Variants in CNN2 observed in about 807,000 individuals in gnomAD.
CNN2 encodes the protein calponin 2.
In CNN2, 21 loss-of-function variants were observed where a neutral mutation model predicts 31.0. The observed-to-expected ratio is 0.68, with a 90% CI of 0.48 to 0.98. The LOEUF is 0.98. Ranked by LOEUF, CNN2 falls within the 50% of genes least tolerant of loss-of-function variation. The pLI, the probability that CNN2 is intolerant of heterozygous loss-of-function variation, is 0.00. For missense variants in CNN2, 399 were observed against 427.3 expected, an observed-to-expected ratio of 0.93 and a Z score of 0.58; for synonymous variants, 165 against 179.6, an observed-to-expected ratio of 0.92 and a Z score of 0.65.
chr19:1,028,073 C>A (rs1441270620), intron 1 of CNN2, among the ~76,000 whole-genome samples: 1 of 152,050 alleles, frequency 6.6e-6, no homozygotes, highest in Non-Finnish European at 1.5e-5. Context: ...GGGTGGGCAC[C>A]CTGCCGCACC....
rs532556422 is a variant in CNN2 at position 1,028,176 on chromosome 19, C to T, written c.63+1452C>T. On this transcript the variant is annotated intron_variant, in intron 1 of 6. Transcript: ENST00000263097. The stretch of plus-strand genomic sequence containing the variant: ...GCCACACAGCCCACAAGTGACAGGG[C>T]CAAGACCGGAACCCAGTACCTGCTG... Among the ~76,000 whole-genome samples the T allele has an allele frequency of 3.2e-4, 48 of 151,898 alleles. 1 individual carries two copies. The highest frequency in any genetic ancestry group is 2.7e-3 in the South Asian group (13 of 4,810).
At chr19:1,026,909 G>A in intron 1 of CNN2, 185 bp downstream of exon 1, 1 of 561,322 alleles carries the variant, frequency 1.8e-6, no homozygotes, top group East Asian at 3.4e-5. Flanking sequence ...AGGCTCCCGC[G>A]AATCTTGGGG....
chr19:1,036,209 C>A lies in CNN2; in HGVS notation c.470C>A (p.Ala157Asp). The A allele has an allele frequency of 1.9e-6, 3 of 1,606,986 alleles. No individual in the cohort carries two copies. The highest frequency in any genetic ancestry group is 1.1e-5 in the South Asian group (1 of 89,888). The change falls in exon 5 of 7, where the codon GCC becomes GAC. Residue 157 changes from alanine to aspartate, a missense_variant. By Grantham distance (126) the Ala-to-Asp change is moderately radical. Coordinates refer to ENST00000263097, the MANE Select transcript of CNN2 (RefSeq NM_004368.4). ...SEKQERNFDD[A>D]TMKAGQCVIG... ...AAGCAGGAGCGGAATTTCGACGATG[C>A]CACCATGAAGGCTGGCCAGTGCGTC...
intron 4 of CNN2, among the ~76,000 whole-genome samples, chr19:1,035,315 A>C (rs907330297): frequency 1.3e-5 from 2 of 152,078 alleles, no homozygotes; most frequent in African/African-American, 4.8e-5. Flanking sequence ...AGGTCTTGAC[A>C]TTGGAATTGG....
intron 1 of CNN2, among the ~76,000 whole-genome samples, chr19:1,027,432 T>TG (rs1378239397): frequency 6.6e-6 from 1 of 152,150 alleles, no homozygotes; most frequent in Non-Finnish European, 1.5e-5. Context: ...CCCAGCACTT[T>TG]GGGGGGCGGA....
At position 1,037,637 on chromosome 19, in the gene CNN2, G is replaced by A. The variant is rs780220635; in HGVS notation, c.667G>A (p.Ala223Thr). ...CCTTCCTCTCCAGGTGGGCATGACG[G>A]CTCCCGGGACCCGGCGGCACATCTA... ...NKCASQVGMTAPGTRRHIYDT... is the reference protein window; with the variant it reads ...NKCASQVGMTTPGTRRHIYDT... Residue 223 changes from alanine (A) to threonine (T), a missense_variant, in exon 7 of 7, where the codon GCT becomes ACT. Transcript: ENST00000263097. 18 of 1,610,944 alleles carry A rather than the reference G, an allele frequency of 1.1e-5. No individual in the cohort carries two copies. Among genetic ancestry groups the A allele is most frequent in the Non-Finnish European group, 1.5e-5 (18 of 1,179,914 alleles).
chr19:1,037,979 T>TC lies in CNN2; in HGVS notation c.*79_*80insC. ...TTTCTGTGTTTTCATCTTTTTTTTT[T>TC]TTTTCTTAACCCGTTCAGTGCTGCC... is the stretch of plus-strand genomic sequence containing the variant. On this transcript the variant is annotated 3_prime_UTR_variant, in exon 7 of 7. Coordinates refer to ENST00000263097, the MANE Select transcript of CNN2 (RefSeq NM_004368.4). 1 of 1,432,742 alleles carries TC rather than the reference T, an allele frequency of 7.0e-7. No individual in the cohort carries two copies. The highest frequency in any genetic ancestry group is 9.4e-7 in the Non-Finnish European group (1 of 1,066,242). The allele number at this position is 1,432,742 out of a possible 1,614,324, so 88.8% of individuals were successfully genotyped here. A position where few individuals can be genotyped will look rare whatever the true frequency, so the allele number is the denominator to read the frequency against.
chr19:1,037,398 G>T (rs1482304280), intron 6 of CNN2: 2 of 530,826 alleles, frequency 3.8e-6, no homozygotes, highest in South Asian at 2.3e-5. Flanking sequence ...TCAGCCTCCC[G>T]AGTAGCTGGG....
rs1210411913 is a variant in CNN2 at position 1,035,179 on chromosome 19, ACGGGGAGCG to A, written c.391-950_391-942del. On this transcript the variant is annotated intron_variant, in intron 4 of 6. Coordinates refer to ENST00000263097, the MANE Select transcript of CNN2 (RefSeq NM_004368.4). ...GTGGGTGGGACGGTGTCTGGTGTAG[ACGGGGAGCG>A]TGGGTGGGACACGGTGTCTGGTGTA... Among the ~76,000 whole-genome samples, 45 of 143,558 alleles carry A rather than the reference ACGGGGAGCG, an allele frequency of 3.1e-4. 1 individual carries two copies. The highest frequency in any genetic ancestry group is 1.1e-3 in the African/African-American group (43 of 39,218). The allele number at this position is 143,558 out of a possible 152,430, so 94.2% of individuals were successfully genotyped here.
At chr19:1,029,667 G>A (rs1267732362) in intron 1 of CNN2, among the ~76,000 whole-genome samples, 2 of 152,048 alleles carry the variant, frequency 1.3e-5, no homozygotes, top group African/African-American at 2.4e-5. Context: ...TGCAGAGCAG[G>A]GAGAGGGATT....
At chr19:1,027,870 C>A (rs1324490677) in intron 1 of CNN2, among the ~76,000 whole-genome samples, 1 of 152,202 alleles carries the variant, frequency 6.6e-6, no homozygotes, top group African/African-American at 2.4e-5. Context: ...CACTCCAGGG[C>A]CGGCAGACTG....
At chr19:1,030,156 C>T (rs889543546) in intron 1 of CNN2, among the ~76,000 whole-genome samples, 45 of 152,306 alleles carry the variant, frequency 3.0e-4, no homozygotes, top group African/African-American at 9.6e-4. Flanking sequence ...CCCACTGGTG[C>T]ACACCCACTG....
At position 1,036,434 on chromosome 19, in the gene CNN2, G is replaced by A. The variant is rs763495702; in HGVS notation, c.526G>A (p.Ala176Thr). Residue 176 changes from alanine to threonine, a missense_variant, in exon 6 of 7, where the codon GCC becomes ACC. Coordinates refer to ENST00000263097, the MANE Select transcript of CNN2 (RefSeq NM_004368.4). ...CCTGCAGATGGGCACCAACAAATGC[G>A]CCAGCCAGTCGGGCATGACTGCCTA... Reference protein sequence around the residue: ...IGLQMGTNKCASQSGMTAYGT... With the variant: ...IGLQMGTNKCTSQSGMTAYGT... The A allele has an allele frequency of 9.9e-6, 16 of 1,610,282 alleles. No homozygotes were observed. The highest frequency in any genetic ancestry group is 2.7e-5 in the African/African-American group (2 of 74,688).
At chr19:1,028,782 G>A (rs867159163) in intron 1 of CNN2, among the ~76,000 whole-genome samples, 6 of 152,270 alleles carry the variant, frequency 3.9e-5, no homozygotes, top group South Asian at 2.1e-4. Context: ...GAGACGCGGC[G>A]CAGCTGGGCA....
rs2039615006 is a variant in CNN2 at position 1,037,746 on chromosome 19, G to A, written c.776G>A (p.Gly259Asp). 1.2e-6 allele frequency: 2 copies of A among 1,611,588 alleles called. No individual in the cohort carries two copies. The highest frequency in any genetic ancestry group is 1.7e-6 in the Non-Finnish European group (2 of 1,180,046). The change falls in exon 7 of 7, where the codon GGC (glycine) becomes GAC (aspartate). Residue 259 changes from glycine (G) to aspartate (D), a missense_variant. Gly to Asp is a moderately conservative substitution (Grantham distance 94, BLOSUM62 -1). Coordinates refer to ENST00000263097, the MANE Select transcript of CNN2 (RefSeq NM_004368.4). ...TACACGCAGGGCGCCAACCAGAGCG[G>A]CCAGGTCTTCGGCCTGGGCCGGCAG... ...MGYTQGANQSGQVFGLGRQIY... is the reference protein window; with the variant it reads ...MGYTQGANQSDQVFGLGRQIY...
chr19:1,035,458 A>G (rs142326873), intron 4 of CNN2, among the ~76,000 whole-genome samples: 1 of 152,246 alleles, frequency 6.6e-6, no homozygotes, highest in East Asian at 1.9e-4. Flanking sequence ...GGGCGCAGAC[A>G]TCCCAGTGAG....
intron 1 of CNN2, among the ~76,000 whole-genome samples, chr19:1,030,470 C>T (rs1339731066): frequency 1.3e-5 from 2 of 151,906 alleles, no homozygotes; most frequent in African/African-American, 4.8e-5. Context: ...ATTAAAAATA[C>T]AAAAAATGAG....
chr19:1,028,459 T>G (rs1253076612), intron 1 of CNN2, among the ~76,000 whole-genome samples: 1 of 152,018 alleles, frequency 6.6e-6, no homozygotes, highest in East Asian at 1.9e-4. Flanking sequence ...TCACACCCGC[T>G]TTACCGGCTG....
intron 1 of CNN2, chr19:1,027,212 C>G (rs972633837): frequency 1.3e-5 from 2 of 155,372 alleles, no homozygotes; most frequent in East Asian, 1.9e-4. Flanking sequence ...GTTACCCCCC[C>G]ACAAACAGGA....
Sources: allele counts gnomAD v4.1 joint callset (sites outside exome capture counted in the v4.1 genomes callset), GRCh38; gene constraint gnomAD v4.1.1; transcripts MANE v1.5; gene names NCBI Gene and HGNC (gene_info 2026-07-23, HGNC 2026-07-21).